The following FLRT2 variants were observed in gnomAD, a reference collection of about 807,000 sequenced individuals.
FLRT2 encodes leucine-rich repeat transmembrane protein FLRT2.
In FLRT2, 15 loss-of-function variants were observed where a neutral mutation model predicts 40.0. That is an observed-to-expected ratio of 0.38 (90% CI 0.25 to 0.58). The LOEUF (loss-of-function observed/expected upper bound fraction) is 0.58, where lower values mean the gene tolerates loss of function less well. FLRT2 is among the 20% of genes least tolerant of loss of function. FLRT2 has a pLI of 0.71. For missense variants in FLRT2, 726 were observed against 840.0 expected, an observed-to-expected ratio of 0.86 and a Z score of 1.68; for synonymous variants, 380 against 336.8, an observed-to-expected ratio of 1.13 and a Z score of -1.41.
Position 85,642,009 on chromosome 14 carries a change from T to G in FLRT2, c.*18512T>G, listed in dbSNP as rs1384663351. The G allele has an allele frequency of 6.6e-6, 1 of 151,212 alleles. No individual in the cohort carries two copies. Among genetic ancestry groups the G allele is most frequent in the Non-Finnish European group, 1.5e-5 (1 of 67,958 alleles). 9.4% of individuals were successfully genotyped at this position (151,212 alleles called of 1,614,324 possible). Reference sequence around the variant, plus strand: ...ATTGTGAGGTAGGCTGAAGCATGTATAGAAAGAAAACAACAAATTCAGAGT... The same window carrying G: ...ATTGTGAGGTAGGCTGAAGCATGTAGAGAAAGAAAACAACAAATTCAGAGT... On this transcript the variant is annotated 3_prime_UTR_variant, in exon 2 of 2. Coordinates refer to ENST00000330753, the MANE Select transcript of FLRT2 (RefSeq NM_013231.6).
chr14:85,550,225 G>T (rs17643525), intron 1 of FLRT2, among the ~76,000 whole-genome samples: 1 of 152,046 alleles, frequency 6.6e-6, no homozygotes, highest in Non-Finnish European at 1.5e-5. Flanking sequence ...CTATAAACGA[G>T]AAAATAGCCA....
intron 1 of FLRT2, among the ~76,000 whole-genome samples, chr14:85,612,805 A>G (rs1595085930): frequency 6.6e-6 from 1 of 152,284 alleles, no homozygotes; most frequent in South Asian, 2.1e-4. Flanking sequence ...TAAGCAATGA[A>G]TTTTTCATTT....
chr14:85,560,459 C>G lies in FLRT2; in HGVS notation c.-377+29925C>G, dbSNP rs545106245. On this transcript the variant is annotated intron_variant, in intron 1 of 1. Coordinates refer to ENST00000330753, the MANE Select transcript of FLRT2 (RefSeq NM_013231.6). ...GCATGGTGGCACGTGGCTGTAATCT[C>G]AGCTACTTGGGAAGCTGAAGGAGGA... 7.2e-5 allele frequency among the ~76,000 whole-genome samples: 11 copies of G among 152,164 alleles called. No homozygotes were observed. The East Asian group carries it at 1.7e-3, about 24-fold the overall frequency.
intron 1 of FLRT2, among the ~76,000 whole-genome samples, chr14:85,583,309 T>A (rs1161208086): frequency 1.3e-5 from 2 of 152,226 alleles, no homozygotes; most frequent in African/African-American, 4.8e-5. Flanking sequence ...ATAGGTAAAG[T>A]ACATTCATTT....
intron 1 of FLRT2, chr14:85,552,661 C>T (rs928933209): frequency 1.3e-5 from 2 of 152,178 alleles, no homozygotes; most frequent in Non-Finnish European, 2.9e-5. Flanking sequence ...AATGGCCCCT[C>T]TGGGAGCTCA....
At chr14:85,595,929 G>GT (rs1232868782) in intron 1 of FLRT2, among the ~76,000 whole-genome samples, 1 of 152,172 alleles carries the variant, frequency 6.6e-6, no homozygotes, top group East Asian at 1.9e-4. Context: ...AAGTGATCGT[G>GT]TTTCTTTGTC....
rs1404683540 is a variant in FLRT2 at position 85,642,880 on chromosome 14, T to G, written c.*19383T>G. On this transcript the variant is annotated 3_prime_UTR_variant, in exon 2 of 2. Coordinates refer to ENST00000330753, the MANE Select transcript of FLRT2 (RefSeq NM_013231.6). ...TAGGTTGTATATTTATTAGTCAGTT[T>G]GGACTGCTGTAACAAAAATACCATA... 2 of 152,226 alleles carry G rather than the reference T, an allele frequency of 1.3e-5. No homozygotes were observed. Among genetic ancestry groups the G allele is most frequent in the African/African-American group, 4.8e-5 (2 of 41,470 alleles). The allele number at this position is 152,226 out of a possible 1,614,324, so 9.4% of individuals were successfully genotyped here.
chr14:85,608,479 C>T (rs895176155), intron 1 of FLRT2, among the ~76,000 whole-genome samples: 1 of 152,098 alleles, frequency 6.6e-6, no homozygotes, highest in African/African-American at 2.4e-5. Context: ...AGTGATCCAC[C>T]CGCCTCGGCT....
chr14:85,572,732 G>T (rs973508030), intron 1 of FLRT2, among the ~76,000 whole-genome samples: 1 of 152,120 alleles, frequency 6.6e-6, no homozygotes, highest in African/African-American at 2.4e-5. Context: ...AATACATTTC[G>T]TGTGTGCCTT....
At position 85,653,162 on chromosome 14, in the gene FLRT2, A is replaced by G. The variant is rs888346034; in HGVS notation, c.*29665A>G. On this transcript the variant is annotated 3_prime_UTR_variant, in exon 2 of 2. Coordinates refer to ENST00000330753, the MANE Select transcript of FLRT2 (RefSeq NM_013231.6). ...TCTTTTTAAACATTTTCAATTTGTG[A>G]TCTGCTTGAGGACTTGTACATAGAT... 1 of 152,148 alleles carries G rather than the reference A, an allele frequency of 6.6e-6. No individual in the cohort carries two copies. Among genetic ancestry groups the G allele is most frequent in the Non-Finnish European group, 1.5e-5 (1 of 68,024 alleles). The allele number at this position is 152,148 out of a possible 1,614,324, so 9.4% of individuals were successfully genotyped here.
At chr14:85,560,317 G>A (rs905137510) in intron 1 of FLRT2, among the ~76,000 whole-genome samples, 5 of 152,052 alleles carry the variant, frequency 3.3e-5, no homozygotes, top group Non-Finnish European at 5.9e-5. Flanking sequence ...AGTGGCTCAT[G>A]ACTGTAATCC....
At position 85,569,402 on chromosome 14, in the gene FLRT2, C is replaced by T. The variant is rs146950689; in HGVS notation, c.-377+38868C>T. Among the ~76,000 whole-genome samples the T allele has an allele frequency of 3.8e-3, 575 of 152,280 alleles. 4 individuals are homozygous for T. The highest frequency in any genetic ancestry group is 0.013 in the African/African-American group (556 of 41,540). On this transcript the variant is annotated intron_variant, in intron 1 of 1. Coordinates refer to ENST00000330753, the MANE Select transcript of FLRT2 (RefSeq NM_013231.6). ...ACCGTACCAGGAGCAGCAGGGAGGG[C>T]AGAGTCTAGTGGAGTCCTCTGTGCT...
chr14:85,559,707 A>G (rs1890189301), intron 1 of FLRT2, among the ~76,000 whole-genome samples: 1 of 152,146 alleles, frequency 6.6e-6, no homozygotes, highest in African/African-American at 2.4e-5. Flanking sequence ...AGCTAAGGAA[A>G]GGGAGGCTCA....
chr14:85,638,113 T>C lies in FLRT2; in HGVS notation c.*14616T>C, dbSNP rs1894053829. On this transcript the variant is annotated 3_prime_UTR_variant, in exon 2 of 2. Transcript: ENST00000330753. Reference sequence around the variant, plus strand: ...AAATGTAACAATTACCGGTAGAGAATGGGATAAAGGACAACTGAGTGTGGA... The same window carrying C: ...AAATGTAACAATTACCGGTAGAGAACGGGATAAAGGACAACTGAGTGTGGA... 6.6e-6 allele frequency: 1 copy of C among 152,086 alleles called. No individual in the cohort carries two copies. The highest frequency in any genetic ancestry group is 1.5e-5 in the Non-Finnish European group (1 of 68,042). 9.4% of individuals were successfully genotyped at this position (152,086 alleles called of 1,614,324 possible).
chr14:85,543,468 C>T (rs1889095616), intron 1 of FLRT2, among the ~76,000 whole-genome samples: 1 of 152,124 alleles, frequency 6.6e-6, no homozygotes, highest in East Asian at 1.9e-4. Context: ...TCTGTTCTCC[C>T]CACCATCAGT....
At position 85,648,695 on chromosome 14, in the gene FLRT2, C is replaced by T. The variant is rs1237252159; in HGVS notation, c.*25198C>T. The T allele has an allele frequency of 6.6e-6, 1 of 152,018 alleles. No homozygotes were observed. Among genetic ancestry groups the T allele is most frequent in the Non-Finnish European group, 1.5e-5 (1 of 68,014 alleles). The allele number at this position is 152,018 out of a possible 1,614,324, so 9.4% of individuals were successfully genotyped here. A position where few individuals can be genotyped will look rare whatever the true frequency, so the allele number is the denominator to read the frequency against. ...GGTAGGTTTTATTTCCTAAACTGGA[C>T]CTCTTACCAAACACAGATGAGATGT... On this transcript the variant is annotated 3_prime_UTR_variant, in exon 2 of 2. Transcript: ENST00000330753.
At chr14:85,574,554 A>G (rs1052853364) in intron 1 of FLRT2, among the ~76,000 whole-genome samples, 2 of 152,146 alleles carry the variant, frequency 1.3e-5, no homozygotes, top group African/African-American at 2.4e-5. Context: ...TATACTGGAA[A>G]TTTGGAGACG....
chr14:85,555,689 C>CTTTTTTATTT (rs372243726), intron 1 of FLRT2, among the ~76,000 whole-genome samples: 4,917 of 117,856 alleles, frequency 0.042, 142 homozygotes, highest in Non-Finnish European at 0.051. Context: ...TATCTGAAAT[C>CTTTTTTATTT]TATTTTATTT....
chr14:85,598,948 C>T (rs1440359094), intron 1 of FLRT2, among the ~76,000 whole-genome samples: 3 of 127,466 alleles, frequency 2.4e-5, no homozygotes, highest in East Asian at 2.4e-4. Flanking sequence ...GACGGAGTCT[C>T]GCTCTGTCGC....
Sources: gnomAD v4.1 joint callset for allele counts (sites outside exome capture counted in the v4.1 genomes callset) on GRCh38, gnomAD v4.1.1 for gene constraint, MANE v1.5 for transcripts, NCBI Gene and HGNC (gene_info 2026-07-23, HGNC 2026-07-21) for gene names.